CYTH3: variants seen among roughly 807,000 people sequenced by gnomAD.
The protein encoded by CYTH3 is cytohesin-3.
In CYTH3, 23 loss-of-function variants were observed where a neutral mutation model predicts 55.1. That is an observed-to-expected ratio of 0.42 (90% CI 0.30 to 0.59). The LOEUF (loss-of-function observed/expected upper bound fraction) is 0.59, where lower values mean the gene tolerates loss of function less well. Ranked by LOEUF, CYTH3 falls within the 20% of genes least tolerant of loss-of-function variation. The pLI is 0.20. For missense variants in CYTH3, 413 were observed against 524.8 expected, an observed-to-expected ratio of 0.79 and a Z score of 2.08; for synonymous variants, 249 against 194.9, an observed-to-expected ratio of 1.28 and a Z score of -2.31.
chr7:6,199,541 ATC>A (rs887123694), intron 1 of CYTH3, among the ~76,000 whole-genome samples: 1 of 152,190 alleles, frequency 6.6e-6, no homozygotes, highest in Non-Finnish European at 1.5e-5. Flanking sequence ...ACCCTGCAAA[ATC>A]TCTTTCAAAA....
At chr7:6,228,591 T>C (rs1046728773) in intron 1 of CYTH3, among the ~76,000 whole-genome samples, 4 of 152,076 alleles carry the variant, frequency 2.6e-5, no homozygotes, top group Non-Finnish European at 4.4e-5. Flanking sequence ...TTAACACAAG[T>C]AGAGGAAGCA....
chr7:6,217,405 TAAAA>T (rs1256229900), intron 1 of CYTH3, among the ~76,000 whole-genome samples: 1 of 151,994 alleles, frequency 6.6e-6, no homozygotes, highest in Non-Finnish European at 1.5e-5. Flanking sequence ...CAAACATTAA[TAAAA>T]AGAAAGCAGG....
chr7:6,170,486 G>A lies in CYTH3; in HGVS notation c.823+49C>T, dbSNP rs200139395. The A allele has an allele frequency of 1.5e-4, 236 of 1,558,224 alleles. No individual in the cohort carries two copies. The highest frequency in any genetic ancestry group is 1.9e-4 in the Non-Finnish European group (218 of 1,136,676). On this transcript the variant is annotated intron_variant, in intron 9 of 12. Transcript: ENST00000350796. The surrounding 1 kb of genome is among the most constrained non-coding windows in gnomAD (Gnocchi z 7.8). ...CCTGGGAGGAACCCGAGGGGCTGCT[G>A]CCATGGGCAGAGGGGTCACGCCCGG... is the stretch of plus-strand genomic sequence containing the variant.
At chr7:6,218,930 G>A (rs764177333) in intron 1 of CYTH3, among the ~76,000 whole-genome samples, 4 of 149,524 alleles carry the variant, frequency 2.7e-5, no homozygotes, top group South Asian at 2.1e-4. Context: ...GCTTGAACCC[G>A]GGAGGCGGAG....
chr7:6,242,808 C>A (rs568810929), intron 1 of CYTH3, among the ~76,000 whole-genome samples: 1 of 152,204 alleles, frequency 6.6e-6, no homozygotes, highest in Non-Finnish European at 1.5e-5. Flanking sequence ...ACCATCCTAC[C>A]CAGTGCCTCC....
intron 1 of CYTH3, among the ~76,000 whole-genome samples, chr7:6,267,553 G>A (rs1378306751): frequency 1.3e-5 from 2 of 152,144 alleles, no homozygotes. Flanking sequence ...TTTGTTTTGA[G>A]ACCGAGTCTC....
intron 1 of CYTH3, among the ~76,000 whole-genome samples, chr7:6,237,761 T>C (rs1234252153): frequency 6.6e-6 from 1 of 152,152 alleles, no homozygotes; most frequent in Non-Finnish European, 1.5e-5. Flanking sequence ...CCAAAAGTAT[T>C]ATTGCCAATT....
chr7:6,254,508 G>C (rs1312542420), intron 1 of CYTH3, among the ~76,000 whole-genome samples: 1 of 152,190 alleles, frequency 6.6e-6, no homozygotes, highest in Non-Finnish European at 1.5e-5. Context: ...GAGTGCAGTG[G>C]CGTGATCTCA....
intron 1 of CYTH3, among the ~76,000 whole-genome samples, chr7:6,271,134 G>A (rs1473002616): frequency 2.6e-5 from 4 of 151,830 alleles, no homozygotes; most frequent in Non-Finnish European, 5.9e-5. Context: ...TTCGCAACTG[G>A]GCGCCTTCGT....
rs1170068544 is a variant in CYTH3 at position 6,169,611 on chromosome 7, G to T, written c.823+924C>A. Among the ~76,000 whole-genome samples, 3 of 152,170 alleles carry T rather than the reference G, an allele frequency of 2.0e-5. No homozygotes were observed. The highest frequency in any genetic ancestry group is 7.2e-5 in the African/African-American group (3 of 41,428). On this transcript the variant is annotated intron_variant, in intron 9 of 12. Transcript: ENST00000350796. The surrounding 1 kb of genome is among the most constrained non-coding windows in gnomAD (Gnocchi z 4.1). Reference sequence around the variant, plus strand: ...AAAGGCTTGCGTGAACCCAGCTACCGCATCTCGCCCGCTTCACTGTGGGCA... The same window carrying T: ...AAAGGCTTGCGTGAACCCAGCTACCTCATCTCGCCCGCTTCACTGTGGGCA...
At chr7:6,196,786 G>T (rs1452557611) in intron 1 of CYTH3, among the ~76,000 whole-genome samples, 1 of 152,136 alleles carries the variant, frequency 6.6e-6, no homozygotes, top group Non-Finnish European at 1.5e-5. Flanking sequence ...ATGGCAAAAA[G>T]TATATCTAAT....
Position 6,169,781 on chromosome 7 carries a change from G to A in CYTH3, c.823+754C>T, listed in dbSNP as rs1430575511. ...GCTGGGTTAGTATGGGGTGGAGGGT[G>A]ACGCCGCAGGGACAGGGCTGGCTGT... On this transcript the variant is annotated intron_variant, in intron 9 of 12. Coordinates refer to ENST00000350796, the MANE Select transcript of CYTH3 (RefSeq NM_004227.4). The surrounding 1 kb of genome is among the most constrained non-coding windows in gnomAD (Gnocchi z 4.1). Among the ~76,000 whole-genome samples the A allele has an allele frequency of 6.6e-6, 1 of 152,190 alleles. No homozygotes were observed. The highest frequency in any genetic ancestry group is 1.5e-5 in the Non-Finnish European group (1 of 68,044).
intron 1 of CYTH3, among the ~76,000 whole-genome samples, chr7:6,246,133 C>T (rs1045937204): frequency 2.0e-5 from 3 of 151,632 alleles, no homozygotes; most frequent in Admixed American, 6.6e-5. Context: ...CAGACTGGAA[C>T]GCAGAGACAT....
chr7:6,222,678 C>A (rs1350107826), intron 1 of CYTH3, among the ~76,000 whole-genome samples: 6 of 149,206 alleles, frequency 4.0e-5, no homozygotes, highest in Admixed American at 1.4e-4. Context: ...ACCAGGGAGG[C>A]AGAGGTTGCG....
In CYTH3 at chr7:6,186,918, T is replaced by G. The variant is rs543591700; in HGVS notation, c.249+132A>C. On this transcript the variant is annotated intron_variant, in intron 4 of 12. Coordinates refer to ENST00000350796, the MANE Select transcript of CYTH3 (RefSeq NM_004227.4). ...GCGAAAAGCCCCTTTTTGATAAAAATGTGCCTTCAACTCCCAGTCTTTTAT... is the reference window on the plus strand; with the variant it reads ...GCGAAAAGCCCCTTTTTGATAAAAAGGTGCCTTCAACTCCCAGTCTTTTAT... The G allele has an allele frequency of 3.4e-6, 3 of 879,426 alleles. No homozygotes were observed. The Admixed American group carries it at 6.3e-5, about 18-fold the overall frequency. The allele number at this position is 879,426 out of a possible 1,614,324, so 54.5% of individuals were successfully genotyped here.
intron 1 of CYTH3, among the ~76,000 whole-genome samples, chr7:6,255,831 T>C (rs1447727143): frequency 1.4e-5 from 2 of 144,274 alleles, no homozygotes; most frequent in African/African-American, 5.2e-5. Context: ...TGGCGCGATC[T>C]CTGCTCACTA....
chr7:6,255,758 GTTTTT>G (rs397889923), intron 1 of CYTH3, among the ~76,000 whole-genome samples: 9 of 89,402 alleles, frequency 1.0e-4, no homozygotes, highest in Non-Finnish European at 1.7e-4. Context: ...CCTTTAATCT[GTTTTT>G]TTTTTTTTTT....
chr7:6,231,420 T>G (rs541272291), intron 1 of CYTH3, among the ~76,000 whole-genome samples: 9 of 152,248 alleles, frequency 5.9e-5, no homozygotes, highest in African/African-American at 2.2e-4. Context: ...ACAGCTCAGA[T>G]GATGTCAAGA....
At chr7:6,187,168 C>T (rs55681139) in intron 3 of CYTH3, 52 bp from the exon 4 acceptor site, 24,860 of 1,562,154 alleles carry the variant, frequency 0.016, 265 homozygotes, top group Middle Eastern at 0.062. Flanking sequence ...CACAATGCAG[C>T]CCAGTCACGG....
Sources: gnomAD v4.1 joint callset for allele counts (sites outside exome capture counted in the v4.1 genomes callset) on GRCh38, gnomAD v4.1.1 for gene constraint, Gnocchi (gnomAD v3.1) non-coding constraint, MANE v1.5 for transcripts, NCBI Gene and HGNC (gene_info 2026-07-23, HGNC 2026-07-21) for gene names.